Variants in BEND6 observed in about 807,000 individuals in gnomAD.
BEND6 encodes BEN domain containing 6, also known as BEN domain-containing protein 6.
BEND6 carries 24 observed loss-of-function variants against 31.8 expected under a neutral mutation model. That is an observed-to-expected ratio of 0.75 (90% CI 0.55 to 1.06). The LOEUF is 1.06. BEND6 is among the 50% of genes least tolerant of loss of function. BEND6 has a pLI of 0.00. For synonymous variants in BEND6, 109 were observed against 114.6 expected (o/e 0.95, Z 0.31); for missense variants, 294 against 327.4 (o/e 0.90, Z 0.79).
chr6:57,000,586 C>CA (rs373150482), intron 3 of BEND6, among the ~76,000 whole-genome samples: 13 of 125,284 alleles, frequency 1.0e-4, no homozygotes, highest in African/African-American at 3.7e-4. Flanking sequence ...AAAAAACAAA[C>CA]AAAAAAAAAA....
intron 1 of BEND6, among the ~76,000 whole-genome samples, chr6:56,979,020 A>G (rs942910143): frequency 2.0e-5 from 3 of 152,238 alleles, no homozygotes; most frequent in Admixed American, 6.5e-5. Context: ...TCAAAAGTTA[A>G]AACAAAATGT....
intron 3 of BEND6, among the ~76,000 whole-genome samples, chr6:56,997,757 T>C (rs1417080065): frequency 6.6e-6 from 1 of 152,118 alleles, no homozygotes; most frequent in Non-Finnish European, 1.5e-5. Flanking sequence ...GTTTCACGCA[T>C]TAGCCAGGAT....
Position 56,972,086 on chromosome 6 carries a change from C to CTTTTTTTTTTTTTTTTTTTTTTTT in BEND6, c.-100-9622_-100-9599dup, listed in dbSNP as rs35524907. Among the ~76,000 whole-genome samples the CTTTTTTTTTTTTTTTTTTTTTTTT allele has an allele frequency of 3.2e-5, 2 of 62,530 alleles. 1 individual carries two copies. Among genetic ancestry groups the CTTTTTTTTTTTTTTTTTTTTTTTT allele is most frequent in the Non-Finnish European group, 5.7e-5 (2 of 35,168 alleles). 41.0% of individuals were successfully genotyped at this position (62,530 alleles called of 152,430 possible). A position where few individuals can be genotyped will look rare whatever the true frequency, so the allele number is the denominator to read the frequency against. On this transcript the variant is annotated intron_variant, in intron 1 of 6. Transcript: ENST00000370746. Reference sequence around the variant, plus strand: ...TTTTCTTTTTACTTTACTTTACTTTCTTTTTTTTTTTTTTTTTTTTTTTTT... The same window carrying CTTTTTTTTTTTTTTTTTTTTTTTT: ...TTTTCTTTTTACTTTACTTTACTTTCTTTTTTTTTTTTTTTTTTTTTTTTTTTTTTTTTTTTTTTTTTTTTTTTT...
intron 3 of BEND6, among the ~76,000 whole-genome samples, chr6:56,999,266 C>G (rs1284486146): frequency 6.6e-6 from 1 of 152,034 alleles, no homozygotes; most frequent in South Asian, 2.1e-4. Context: ...AGATTCTGTA[C>G]AGTGATGGCA....
At chr6:56,978,779 G>C (rs554079945) in intron 1 of BEND6, among the ~76,000 whole-genome samples, 1 of 152,270 alleles carries the variant, frequency 6.6e-6, no homozygotes, top group South Asian at 2.1e-4. Flanking sequence ...AAATTTTTGT[G>C]AATGAGACTG....
At chr6:56,965,717 A>T (rs1238871891) in intron 1 of BEND6, among the ~76,000 whole-genome samples, 1 of 148,998 alleles carries the variant, frequency 6.7e-6, no homozygotes, top group East Asian at 1.9e-4. Flanking sequence ...ATATTAACAT[A>T]GTGTATAATG....
At chr6:57,003,545 A>AAC (rs1827026840) in intron 3 of BEND6, among the ~76,000 whole-genome samples, 1 of 151,848 alleles carries the variant, frequency 6.6e-6, no homozygotes. Context: ...AACAACAAAA[A>AAC]CTACCAATCA....
intron 3 of BEND6, among the ~76,000 whole-genome samples, chr6:56,997,812 A>G (rs1053948912): frequency 4.6e-5 from 7 of 152,162 alleles, no homozygotes; most frequent in African/African-American, 1.7e-4. Context: ...TCGGCCTCCA[A>G]AAGTGCTGGG....
chr6:56,975,979 C>CAG, intron 1 of BEND6: 1 of 517,284 alleles, frequency 1.9e-6, no homozygotes, highest in South Asian at 1.5e-5. Context: ...ACGCCATGTG[C>CAG]AGTCATGGTG....
At chr6:56,996,184 A>C (rs947271667) in intron 3 of BEND6, among the ~76,000 whole-genome samples, 1 of 152,148 alleles carries the variant, frequency 6.6e-6, no homozygotes, top group African/African-American at 2.4e-5. Flanking sequence ...ACAGTGGCTC[A>C]CACCTGTAAT....
chr6:57,023,832 CT>C (rs1355853344), intron 6 of BEND6, among the ~76,000 whole-genome samples: 2 of 152,180 alleles, frequency 1.3e-5, no homozygotes, highest in Non-Finnish European at 2.9e-5. Context: ...GGACTTACTA[CT>C]GCTATTTTGT....
At chr6:56,986,413 G>A (rs914295517) in intron 2 of BEND6, among the ~76,000 whole-genome samples, 14 of 151,782 alleles carry the variant, frequency 9.2e-5, no homozygotes, top group Middle Eastern at 3.4e-3. Context: ...ACTCCAGCCC[G>A]GGCAAAAGAG....
chr6:57,017,785 A>G (rs1167111316), intron 5 of BEND6, among the ~76,000 whole-genome samples: 1 of 152,216 alleles, frequency 6.6e-6, no homozygotes, highest in African/African-American at 2.4e-5. Context: ...TTTTAAATTA[A>G]TGAATCTCCT....
intron 1 of BEND6, chr6:56,975,814 A>G (rs1400736558): frequency 1.9e-6 from 1 of 535,934 alleles, no homozygotes; most frequent in African/African-American, 1.9e-5. Flanking sequence ...TATATTGTCC[A>G]TTTACTCTGT....
At chr6:57,003,026 A>G (rs1827003918) in intron 3 of BEND6, among the ~76,000 whole-genome samples, 1 of 152,232 alleles carries the variant, frequency 6.6e-6, no homozygotes, top group Admixed American at 6.5e-5. Flanking sequence ...ATGTTACATT[A>G]CAACTGACGC....
chr6:56,959,643 A>G (rs1304898823), intron 1 of BEND6, among the ~76,000 whole-genome samples: 2 of 152,190 alleles, frequency 1.3e-5, no homozygotes, highest in Non-Finnish European at 2.9e-5. Context: ...AACCAGGGAA[A>G]CCATCATGTG....
At chr6:56,979,808 GAA>G (rs1424472760) in intron 1 of BEND6, among the ~76,000 whole-genome samples, 1 of 152,192 alleles carries the variant, frequency 6.6e-6, no homozygotes, top group African/African-American at 2.4e-5. Flanking sequence ...TCCCTTTGCA[GAA>G]AAAGTTTGTC....
chr6:56,992,423 A>C lies in BEND6; in HGVS notation c.166A>C (p.Ser56Arg). The C allele has an allele frequency of 1.9e-6, 3 of 1,613,894 alleles. No individual in the cohort carries two copies. The highest frequency in any genetic ancestry group is 2.5e-6 in the Non-Finnish European group (3 of 1,179,980). Residue 56 changes from serine to arginine, a missense_variant, in exon 3 of 7, where the codon AGT becomes CGT. Transcript: ENST00000370746. The stretch of plus-strand genomic sequence containing the variant: ...TGCCTTTCTGCCTGGTGAAAGCTCC[A>C]GTGAGGATGAAGAGCCTTTAGCAGA... ...GNAFLPGESSSEDEEPLAELS... is the reference protein window; with the variant it reads ...GNAFLPGESSREDEEPLAELS...
intron 1 of BEND6, among the ~76,000 whole-genome samples, chr6:56,968,317 T>C (rs867052724): frequency 5.1e-5 from 6 of 118,196 alleles, no homozygotes; most frequent in Admixed American, 8.4e-5. Context: ...CTTTTCTTTT[T>C]TTTTTTTTTT....
Sources: allele counts gnomAD v4.1 joint callset (sites outside exome capture counted in the v4.1 genomes callset), GRCh38; gene constraint gnomAD v4.1.1; transcripts MANE v1.5; gene names NCBI Gene and HGNC (gene_info 2026-07-23, HGNC 2026-07-21).